Variants in ZNF431 observed in about 807,000 individuals in gnomAD.
ZNF431 encodes zinc finger protein 431.
In ZNF431, 34 loss-of-function variants were observed where a neutral mutation model predicts 57.0. That is an observed-to-expected ratio of 0.60 (90% CI 0.45 to 0.79). The LOEUF is 0.79. Among genes scored for constraint, ZNF431 ranks in the 30% least tolerant of loss-of-function variants. The pLI, the probability that ZNF431 is intolerant of heterozygous loss-of-function variation, is 0.00. For missense variants in ZNF431, 607 were observed against 667.1 expected, an observed-to-expected ratio of 0.91 and a Z score of 0.99; for synonymous variants, 207 against 220.3, an observed-to-expected ratio of 0.94 and a Z score of 0.54.
intron 3 of ZNF431, 121 bp downstream of exon 3, chr19:21,166,582 G>T (rs1473297664): frequency 8.5e-7 from 1 of 1,180,204 alleles, no homozygotes; most frequent in Non-Finnish European, 1.2e-6. Flanking sequence ...CAGTTTTCAA[G>T]AAAATCTTGA....
intron 4 of ZNF431, among the ~76,000 whole-genome samples, chr19:21,176,978 G>C (rs1476249592): frequency 6.8e-6 from 1 of 146,148 alleles, no homozygotes; most frequent in African/African-American, 2.6e-5. Context: ...GGTTACAGGC[G>C]TGAGCCACCA....
At chr19:21,159,495 CACGAGTAGCTGGG>C (rs1378699841) in intron 2 of ZNF431, among the ~76,000 whole-genome samples, 3 of 152,136 alleles carry the variant, frequency 2.0e-5, no homozygotes, top group Non-Finnish European at 2.9e-5. Context: ...GCCTCAGCCT[CACGAGTAGCTGGG>C]ACTACAGGCC....
At chr19:21,158,562 G>A (rs920577080) in intron 2 of ZNF431, among the ~76,000 whole-genome samples, 2 of 152,160 alleles carry the variant, frequency 1.3e-5, no homozygotes, top group African/African-American at 4.8e-5. Context: ...TCCCTGGTTA[G>A]CTGTATTCCT....
At chr19:21,143,707 T>G in intron 2 of ZNF431, 64 bp downstream of exon 2, 3 of 1,250,420 alleles carry the variant, frequency 2.4e-6, no homozygotes, top group Middle Eastern at 1.9e-4. Context: ...GGGGACACAT[T>G]GCTGGTCAGC....
chr19:21,163,795 C>T (rs1319212515), intron 2 of ZNF431, among the ~76,000 whole-genome samples: 1 of 152,158 alleles, frequency 6.6e-6, no homozygotes, highest in African/African-American at 2.4e-5. Context: ...GCTGGGATTA[C>T]AGGCGTGAGT....
chr19:21,176,467 T>TGA, intron 4 of ZNF431, among the ~76,000 whole-genome samples: 1 of 151,850 alleles, frequency 6.6e-6, no homozygotes, highest in Non-Finnish European at 1.5e-5. Flanking sequence ...GGTCTCAAAC[T>TGA]CCCAGTCTCA....
At chr19:21,176,349 T>C (rs774141911) in intron 4 of ZNF431, among the ~76,000 whole-genome samples, 8 of 151,980 alleles carry the variant, frequency 5.3e-5, no homozygotes, top group Non-Finnish European at 1.2e-4. Flanking sequence ...CAAGCGATTC[T>C]TCTGCCTCAG....
chr19:21,144,300 G>A (rs1970024067), intron 2 of ZNF431, among the ~76,000 whole-genome samples: 1 of 151,734 alleles, frequency 6.6e-6, no homozygotes, highest in African/African-American at 2.4e-5. Flanking sequence ...CCAGGTTCAA[G>A]CAATTCTCCT....
chr19:21,161,786 T>C (rs1568303089), intron 2 of ZNF431, among the ~76,000 whole-genome samples: 2 of 152,076 alleles, frequency 1.3e-5, no homozygotes, highest in African/African-American at 4.8e-5. Context: ...CCCGAGTAGC[T>C]GGGATTACAG....
intron 2 of ZNF431, among the ~76,000 whole-genome samples, chr19:21,145,731 A>G (rs1970067666): frequency 6.6e-6 from 1 of 152,214 alleles, no homozygotes; most frequent in African/African-American, 2.4e-5. Context: ...TTATGTAAAA[A>G]AAAATTCCGA....
At position 21,183,787 on chromosome 19, in the gene ZNF431, G is replaced by T. The variant is rs370120213; in HGVS notation, c.1484G>T (p.Arg495Leu). ...GAAGAATGTGGCAAAGCTTTTAACC[G>T]ATCCTCAAATCTTACTAAACATAAG... Reference protein sequence around the residue: ...KCEECGKAFNRSSNLTKHKII... With the variant: ...KCEECGKAFNLSSNLTKHKII... The change falls in exon 5 of 5, where the codon CGA (arginine) becomes CTA (leucine). Residue 495 changes from arginine to leucine, a missense_variant. Transcript: ENST00000311048. 1 of 1,613,384 alleles carries T rather than the reference G, an allele frequency of 6.2e-7. No individual in the cohort carries two copies. The highest frequency in any genetic ancestry group is 1.3e-5 in the African/African-American group (1 of 74,764).
intron 2 of ZNF431, chr19:21,150,225 A>T: frequency 1.9e-6 from 1 of 527,096 alleles, no homozygotes. Context: ...AAACACTTTC[A>T]GCCGCCTATA....
chr19:21,155,987 AC>A (rs765303500), intron 2 of ZNF431, among the ~76,000 whole-genome samples: 4 of 151,514 alleles, frequency 2.6e-5, no homozygotes, highest in Non-Finnish European at 4.4e-5. Context: ...CTGATGACAG[AC>A]CCCCTTTTCA....
intron 2 of ZNF431, chr19:21,150,963 G>A (rs1206512374): frequency 6.6e-6 from 1 of 152,110 alleles, no homozygotes; most frequent in Non-Finnish European, 1.5e-5. Context: ...GAGGGCCTGC[G>A]GCACCTCTTC....
At chr19:21,168,481 T>A (rs1207415992) in intron 4 of ZNF431, among the ~76,000 whole-genome samples, 1 of 151,854 alleles carries the variant, frequency 6.6e-6, no homozygotes, top group African/African-American at 2.4e-5. Context: ...ATTCTCCTGC[T>A]TCAGCCTTCT....
chr19:21,177,386 A>T (rs1042238986), intron 4 of ZNF431, among the ~76,000 whole-genome samples: 3 of 152,152 alleles, frequency 2.0e-5, no homozygotes, highest in Non-Finnish European at 2.9e-5. Flanking sequence ...ATTGGTCTAT[A>T]TGTATGTTTT....
Position 21,173,853 on chromosome 19 carries a change from A to G in ZNF431, c.319+6187A>G, listed in dbSNP as rs1373333210. ...CATTTTTATTTTTATGAGTTTCTCT[A>G]CAAATCATTAATTTTGCTTTTCTTT... On this transcript the variant is annotated intron_variant, in intron 4 of 4. Coordinates refer to ENST00000311048, the MANE Select transcript of ZNF431 (RefSeq NM_133473.4). 4.6e-5 allele frequency among the ~76,000 whole-genome samples: 7 copies of G among 152,232 alleles called. No individual in the cohort carries two copies. The East Asian group carries it at 7.7e-4, about 17-fold the overall frequency.
In ZNF431 at chr19:21,182,690, A is replaced by G; in HGVS notation, c.387A>G (p.Val129=). The change falls in exon 5 of 5, where the codon GTA becomes GTG. Residue 129 remains valine (V), a synonymous_variant. Transcript: ENST00000311048. ...EQDIKDSFQQ[V]ILRRYGKCEH... is the part of the protein sequence containing the mutation. Reference sequence around the variant, plus strand: ...ACATAAAAGATTCTTTTCAACAAGTAATACTGAGAAGATATGGCAAATGTG... The same window carrying G: ...ACATAAAAGATTCTTTTCAACAAGTGATACTGAGAAGATATGGCAAATGTG... 1 of 1,613,780 alleles carries G rather than the reference A, an allele frequency of 6.2e-7. No homozygotes were observed. Among genetic ancestry groups the G allele is most frequent in the South Asian group, 1.1e-5 (1 of 91,044 alleles).
intron 2 of ZNF431, among the ~76,000 whole-genome samples, chr19:21,157,034 T>G (rs11672526): frequency 0.15 from 22,168 of 152,230 alleles, 1,904 homozygotes; most frequent in Non-Finnish European, 0.2. Flanking sequence ...TGCCTCGGCC[T>G]CCCAAAGTGC....
Sources: gnomAD v4.1 joint callset for allele counts (sites outside exome capture counted in the v4.1 genomes callset) on GRCh38, gnomAD v4.1.1 for gene constraint, MANE v1.5 for transcripts, NCBI Gene and HGNC (gene_info 2026-07-23, HGNC 2026-07-21) for gene names.